ITPR1: variants seen among roughly 807,000 people sequenced by gnomAD.
ITPR1 encodes inositol 1,4,5-trisphosphate receptor type 1, also known as inositol 1,4,5-trisphosphate-gated calcium channel ITPR1.
A neutral mutation model predicts 318.4 loss-of-function variants in ITPR1; 96 were observed. The observed-to-expected ratio is 0.30, with a 90% CI of 0.26 to 0.36. ITPR1 has a LOEUF of 0.36. Among genes scored for constraint, ITPR1 ranks in the 10% least tolerant of loss-of-function variants. The pLI is 1.00. For synonymous variants in ITPR1, 1,312 were observed against 1,289.9 expected (o/e 1.02, Z -0.37); for missense variants, 2,440 against 3,460.2 (o/e 0.71, Z 7.40).
intron 34 of ITPR1, among the ~76,000 whole-genome samples, chr3:4,699,462 G>T (rs1402917630): frequency 6.6e-6 from 1 of 152,292 alleles, no homozygotes; most frequent in African/African-American, 2.4e-5. Context: ...GATTACTCAG[G>T]AGAGCAGTTT....
intron 3 of ITPR1, among the ~76,000 whole-genome samples, chr3:4,520,649 G>A (rs73807278): frequency 6.6e-6 from 1 of 152,094 alleles, no homozygotes; most frequent in South Asian, 2.1e-4. Flanking sequence ...CTCCCAAAGA[G>A]CAAGGGCCTG....
chr3:4,785,842 G>T (rs534143517), intron 51 of ITPR1, among the ~76,000 whole-genome samples: 2 of 152,318 alleles, frequency 1.3e-5, no homozygotes, highest in Admixed American at 1.3e-4. Flanking sequence ...TACTGAGGAA[G>T]AGTTACAAAT....
At chr3:4,762,860 A>G (rs1170737473) in intron 44 of ITPR1, among the ~76,000 whole-genome samples, 1 of 152,234 alleles carries the variant, frequency 6.6e-6, no homozygotes, top group Non-Finnish European at 1.5e-5. Context: ...AGGAACATAA[A>G]TCATTCTATT....
At chr3:4,802,712 C>T (rs1005159926) in intron 54 of ITPR1, among the ~76,000 whole-genome samples, 1 of 151,882 alleles carries the variant, frequency 6.6e-6, no homozygotes, top group Non-Finnish European at 1.5e-5. Flanking sequence ...GCTTGTAATC[C>T]CAGCTACTTG....
intron 36 of ITPR1, among the ~76,000 whole-genome samples, chr3:4,704,813 C>G (rs1408375009): frequency 1.3e-5 from 2 of 151,684 alleles, no homozygotes. Context: ...TCTTGGGGGT[C>G]GCTTCCTCAT....
At chr3:4,735,571 A>C (rs1371359662) in intron 44 of ITPR1, 2 of 545,478 alleles carry the variant, frequency 3.7e-6, no homozygotes, top group African/African-American at 3.8e-5. Context: ...TTACATTTGA[A>C]AACTGATAAA....
intron 32 of ITPR1, among the ~76,000 whole-genome samples, chr3:4,691,933 C>G (rs1010636647): frequency 6.6e-6 from 1 of 152,166 alleles, no homozygotes; most frequent in Non-Finnish European, 1.5e-5. Flanking sequence ...AGGAGCATCA[C>G]TTGAGGCCAG....
intron 4 of ITPR1, among the ~76,000 whole-genome samples, chr3:4,523,716 C>T (rs1450628638): frequency 6.6e-6 from 1 of 152,154 alleles, no homozygotes; most frequent in Non-Finnish European, 1.5e-5. Context: ...GCATAATGTC[C>T]TCCGGGTTCA....
intron 55 of ITPR1, among the ~76,000 whole-genome samples, chr3:4,808,427 T>G (rs142244306): frequency 2.1e-4 from 32 of 152,320 alleles, no homozygotes; most frequent in African/African-American, 7.5e-4. Context: ...CGTTCCAGTT[T>G]GCATCTGTGC....
chr3:4,740,779 A>C (rs2043644066), intron 44 of ITPR1, among the ~76,000 whole-genome samples: 1 of 152,190 alleles, frequency 6.6e-6, no homozygotes. Flanking sequence ...CGCTTATGGG[A>C]ACAAGGAGAC....
intron 32 of ITPR1, among the ~76,000 whole-genome samples, chr3:4,692,161 A>AAG (rs1178870941): frequency 6.6e-6 from 1 of 151,596 alleles, no homozygotes; most frequent in African/African-American, 2.4e-5. Flanking sequence ...AAATAAAAAA[A>AAG]AGAGAGAGTC....
chr3:4,544,565 G>C (rs1486971744), intron 4 of ITPR1, among the ~76,000 whole-genome samples: 1 of 152,172 alleles, frequency 6.6e-6, no homozygotes, highest in African/African-American at 2.4e-5. Context: ...CTTTTTGTTA[G>C]TGATGCCTTA....
intron 44 of ITPR1, among the ~76,000 whole-genome samples, chr3:4,754,054 G>GCT (rs796583870): frequency 5.4e-5 from 7 of 129,546 alleles, no homozygotes; most frequent in African/African-American, 1.3e-4. Flanking sequence ...AAAATGGGGG[G>GCT]GGGGTGGCAA....
chr3:4,800,097 G>A, intron 53 of ITPR1: 1 of 335,062 alleles, frequency 3.0e-6, no homozygotes, highest in South Asian at 3.9e-5. Context: ...TGGAAGCAGG[G>A]AGTACGGAGG....
intron 5 of ITPR1, among the ~76,000 whole-genome samples, chr3:4,634,282 C>A (rs536348005): frequency 6.6e-6 from 1 of 152,014 alleles, no homozygotes; most frequent in Non-Finnish European, 1.5e-5. Flanking sequence ...GACATGTTCC[C>A]GGCTCACTGC....
At chr3:4,688,758 A>C in intron 31 of ITPR1, 138 bp downstream of exon 31, 1 of 809,338 alleles carries the variant, frequency 1.2e-6, no homozygotes, top group Non-Finnish European at 1.9e-6. Context: ...GAACATTTTC[A>C]TCACTTATCA....
chr3:4,572,051 T>C (rs552384225), intron 4 of ITPR1, among the ~76,000 whole-genome samples: 4 of 152,352 alleles, frequency 2.6e-5, no homozygotes. Context: ...CTGAGTCTAC[T>C]TGTGAGTCTC....
At chr3:4,832,303 G>A (rs7651812) in intron 60 of ITPR1, among the ~76,000 whole-genome samples, 44,032 of 152,114 alleles carry the variant, frequency 0.29, 6,800 homozygotes, top group East Asian at 0.5. Flanking sequence ...AAGGCCTCCT[G>A]TGAAATGGAG....
chr3:4,742,193 T>C (rs185841666), intron 44 of ITPR1, among the ~76,000 whole-genome samples: 1 of 152,314 alleles, frequency 6.6e-6, no homozygotes, highest in East Asian at 1.9e-4. Flanking sequence ...ACCACAATAT[T>C]TGTGCTGGAA....
Sources: gnomAD v4.1 joint callset for allele counts (sites outside exome capture counted in the v4.1 genomes callset) on GRCh38, gnomAD v4.1.1 for gene constraint, MANE v1.5 for transcripts, NCBI Gene and HGNC (gene_info 2026-07-23, HGNC 2026-07-21) for gene names.